GZMK: variants seen among roughly 807,000 people sequenced by gnomAD.
The protein encoded by GZMK is granzyme K.
A neutral mutation model predicts 22.8 loss-of-function variants in GZMK; 18 were observed. The observed-to-expected ratio is 0.79, with a 90% CI of 0.54 to 1.17. The LOEUF (loss-of-function observed/expected upper bound fraction) is 1.17, where lower values mean the gene tolerates loss of function less well. Ranked by LOEUF, GZMK falls within the 50% of genes most tolerant of loss-of-function variation. GZMK has a pLI of 0.00. For synonymous variants in GZMK, 136 were observed against 115.0 expected (o/e 1.18, Z -1.17); for missense variants, 342 against 320.2 (o/e 1.07, Z -0.52).
intron 1 of GZMK, 86 bp downstream of exon 1, chr5:55,024,472 A>T: frequency 1.2e-6 from 1 of 811,710 alleles, no homozygotes; most frequent in South Asian, 1.6e-5. Context: ...TTATTTTCAC[A>T]ATCATTCCTA....
chr5:55,024,618 G>A, intron 1 of GZMK, 42 bp from the exon 2 acceptor site: 1 of 1,430,192 alleles, frequency 7.0e-7, no homozygotes, highest in Non-Finnish European at 9.8e-7. Context: ...TGAAACAGTA[G>A]TTTAGATCTT....
intron 3 of GZMK, among the ~76,000 whole-genome samples, 160 bp from the exon 4 acceptor site, chr5:55,031,204 C>T (rs953199870): frequency 6.6e-6 from 1 of 152,190 alleles, no homozygotes; most frequent in Non-Finnish European, 1.5e-5. Flanking sequence ...AGAGCATGGT[C>T]AGAAAAGCAA....
In GZMK at chr5:55,033,910, C is replaced by T. The variant is rs191207378; in HGVS notation, c.779C>T (p.Pro260Leu). ...ACTTGGATCAAAAGCAACCTTGTCC[C>T]GCCTCATACAAATTAAGTTACAAAT... ...YQTWIKSNLV[P>L]PHTN Residue 260 changes from proline (P) to leucine (L), a missense_variant, in exon 5 of 5, where the codon CCG becomes CTG. Transcript: ENST00000231009. 36 of 1,596,824 alleles carry T rather than the reference C, an allele frequency of 2.3e-5. No homozygotes were observed. The highest frequency in any genetic ancestry group is 6.9e-5 in the South Asian group (6 of 87,314).
At chr5:55,026,125 C>T (rs1168111612) in intron 2 of GZMK, among the ~76,000 whole-genome samples, 1 of 152,200 alleles carries the variant, frequency 6.6e-6, no homozygotes, top group African/African-American at 2.4e-5. Flanking sequence ...TGGTCTATAA[C>T]CTCCCCAGAC....
chr5:55,024,443 GT>G (rs1741112640), intron 1 of GZMK, 57 bp downstream of exon 1: 1 of 867,320 alleles, frequency 1.2e-6, no homozygotes, highest in Admixed American at 2.1e-5. Flanking sequence ...TGACTATATT[GT>G]TATATTATAG....
In GZMK at chr5:55,030,498, T is replaced by G. The variant is rs138208566; in HGVS notation, c.277T>G (p.Ser93Ala). Residue 93 changes from serine (S) to alanine (A), a missense_variant, in exon 3 of 5, where the codon TCC becomes GCC. Physicochemically the swap from Ser to Ala is moderately conservative, Grantham distance 99 (BLOSUM62 1). Coordinates refer to ENST00000231009, the MANE Select transcript of GZMK (RefSeq NM_002104.3). ...ACACTCTCTCTCAAAGAATGAGGCCTCCAAACAAACACTGGAGATCAAAAA... is the reference window on the plus strand; with the variant it reads ...ACACTCTCTCTCAAAGAATGAGGCCGCCAAACAAACACTGGAGATCAAAAA... ...GAHSLSKNEA[S>A]KQTLEIKKFI... 111 of 1,613,154 alleles carry G rather than the reference T, an allele frequency of 6.9e-5. No individual in the cohort carries two copies. The African/African-American group carries it at 1.5e-3, about 21-fold the overall frequency.
chr5:55,033,320 A>G (rs1741263050), intron 4 of GZMK, among the ~76,000 whole-genome samples: 1 of 152,254 alleles, frequency 6.6e-6, no homozygotes, highest in Non-Finnish European at 1.5e-5. Flanking sequence ...CTTTTCTGCT[A>G]GCCTCAATAA....
At chr5:55,030,347 G>T in intron 2 of GZMK, 87 bp from the exon 3 acceptor site, 1 of 1,220,634 alleles carries the variant, frequency 8.2e-7, no homozygotes, top group Non-Finnish European at 1.2e-6. Context: ...TTGTTTCTCT[G>T]TGTATACAAC....
At chr5:55,027,620 G>C (rs1741159402) in intron 2 of GZMK, 1 of 152,302 alleles carries the variant, frequency 6.6e-6, no homozygotes. Context: ...TCTTTTACTG[G>C]TAAGGAATAC....
At chr5:55,030,197 A>T (rs1741204041) in intron 2 of GZMK, among the ~76,000 whole-genome samples, 2 of 152,156 alleles carry the variant, frequency 1.3e-5, no homozygotes, top group Admixed American at 6.5e-5. Flanking sequence ...AAGTTCTGAT[A>T]TTCTTTTGCA....
chr5:55,031,270 C>T lies in GZMK; in HGVS notation c.364-94C>T, dbSNP rs544306689. 2.4e-4 allele frequency: 254 copies of T among 1,055,898 alleles called. 1 individual carries two copies. The highest frequency in any genetic ancestry group is 1.8e-5 in the Non-Finnish European group (13 of 710,324). 65.4% of individuals were successfully genotyped at this position (1,055,898 alleles called of 1,614,324 possible). A position where few individuals can be genotyped will look rare whatever the true frequency, so the allele number is the denominator to read the frequency against. On this transcript the variant is annotated intron_variant, in intron 3 of 4. Coordinates refer to ENST00000231009, the MANE Select transcript of GZMK (RefSeq NM_002104.3). ...AAAGTAGATCCCAGAACAGGGACGC[C>T]CGCCTAAGACAGAGGGACCACACAT...
At chr5:55,026,500 A>G (rs1004677556) in intron 2 of GZMK, among the ~76,000 whole-genome samples, 3 of 152,164 alleles carry the variant, frequency 2.0e-5, no homozygotes, top group East Asian at 1.9e-4. Flanking sequence ...TGTAGATCAA[A>G]TTTCCTCTAC....
rs780368938 is a variant in GZMK at position 55,024,380 on chromosome 5, CAT to C, written c.59_60del (p.His20ArgfsTer38). ...FFLIVGAYMT[H>X]VCFNMEIIGG... is the part of the protein sequence containing the mutation. ...CCTAATAGTTGGGGCTTATATGACT[CAT>C]GTGTGTAAGTATCTCCTATATCTAC... is the stretch of plus-strand genomic sequence containing the variant. On this transcript the variant is annotated frameshift_variant, in exon 1 of 5. Coordinates refer to ENST00000231009, the MANE Select transcript of GZMK (RefSeq NM_002104.3). LOFTEE classifies it high-confidence loss of function. 10 of 1,426,084 alleles carry C rather than the reference CAT, an allele frequency of 7.0e-6. No homozygotes were observed. The highest frequency in any genetic ancestry group is 3.4e-5 in the Admixed American group (2 of 59,554). The allele number at this position is 1,426,084 out of a possible 1,614,324, so 88.3% of individuals were successfully genotyped here.
intron 4 of GZMK, 47 bp downstream of exon 4, chr5:55,031,680 G>GCCA: frequency 6.5e-7 from 1 of 1,529,378 alleles, no homozygotes; most frequent in Non-Finnish European, 8.9e-7. Flanking sequence ...CTGTACAGTA[G>GCCA]CCAAGCCTCT....
intron 2 of GZMK, among the ~76,000 whole-genome samples, chr5:55,027,180 A>G (rs1431536614): frequency 6.6e-6 from 1 of 152,212 alleles, no homozygotes; most frequent in African/African-American, 2.4e-5. Context: ...TGCGGTTTAA[A>G]TGAGGGAAGC....
Position 55,024,294 on chromosome 5 carries a change from T to A in GZMK, c.-29T>A. 2 of 1,055,292 alleles carry A rather than the reference T, an allele frequency of 1.9e-6. No homozygotes were observed. The highest frequency in any genetic ancestry group is 3.0e-6 in the Non-Finnish European group (2 of 674,340). The allele number at this position is 1,055,292 out of a possible 1,614,324, so 65.4% of individuals were successfully genotyped here. A position where few individuals can be genotyped will look rare whatever the true frequency, so the allele number is the denominator to read the frequency against. On this transcript the variant is annotated 5_prime_UTR_variant, in exon 1 of 5. Transcript: ENST00000231009. ...TTCATCACAGGATCAACACATTTCA[T>A]CTGGGCTTCTTAAATCTAAATCTTT...
At chr5:55,025,043 T>G (rs1200963865) in intron 2 of GZMK, 1 of 350,906 alleles carries the variant, frequency 2.8e-6, no homozygotes, top group Admixed American at 4.3e-5. Context: ...TCAAGTCCTC[T>G]GTATAATGCA....
chr5:55,027,905 A>T (rs947199827), intron 2 of GZMK, among the ~76,000 whole-genome samples: 11 of 152,212 alleles, frequency 7.2e-5, no homozygotes, highest in African/African-American at 2.7e-4. Flanking sequence ...CTTTGTGTGA[A>T]TTCAGACTTC....
chr5:55,032,919 G>A (rs1376881072), intron 4 of GZMK, among the ~76,000 whole-genome samples: 2 of 152,126 alleles, frequency 1.3e-5, no homozygotes, highest in Admixed American at 6.5e-5. Context: ...TTGGGGGAGA[G>A]GATATGATGA....
Sources: allele counts gnomAD v4.1 joint callset (sites outside exome capture counted in the v4.1 genomes callset), GRCh38; gene constraint gnomAD v4.1.1; transcripts MANE v1.5; gene names NCBI Gene and HGNC (gene_info 2026-07-23, HGNC 2026-07-21).